The following MMP26 variants were observed in gnomAD, a reference collection of about 807,000 sequenced individuals.
MMP26 encodes matrix metallopeptidase 26.
In MMP26, 33 loss-of-function variants were observed where a neutral mutation model predicts 31.0. The ratio of observed to expected loss-of-function variants is 1.06; its 90% CI spans 0.81 to 1.42. The LOEUF is 1.42. Ranked by LOEUF, MMP26 falls within the 40% of genes most tolerant of loss-of-function variation. The pLI is 0.00. For missense variants in MMP26, 347 were observed against 316.1 expected (o/e 1.10, Z -0.74); for synonymous variants, 122 against 114.9 (o/e 1.06, Z -0.40).
rs939426808 is a variant in MMP26 at position 4,881,015 on chromosome 11, G to T, written c.-144-107053G>T. The stretch of plus-strand genomic sequence containing the variant: ...GTCTTCTGTATATGAATGGGCAGAT[G>T]CTACCTTCTTCCTGGCCAGTCAGAT... On this transcript the variant is annotated intron_variant, in intron 2 of 7. Transcript: ENST00000380390. Among the ~76,000 whole-genome samples, 6 of 152,100 alleles carry T rather than the reference G, an allele frequency of 3.9e-5. No individual in the cohort carries two copies. In the East Asian group the frequency reaches 1.2e-3, roughly 29 times the overall value.
At chr11:4,790,167 C>A (rs771156417) in intron 2 of MMP26, among the ~76,000 whole-genome samples, 2 of 151,954 alleles carry the variant, frequency 1.3e-5, no homozygotes, top group Non-Finnish European at 2.9e-5. Context: ...TAGTGAAACC[C>A]CGTCTCTACT....
At chr11:4,963,532 G>A (rs7107374) in intron 2 of MMP26, among the ~76,000 whole-genome samples, 72,800 of 151,944 alleles carry the variant, frequency 0.48, 18,601 homozygotes, top group South Asian at 0.64. Flanking sequence ...GTACCAAAAC[G>A]GATATATAGA....
At chr11:4,807,218 A>G (rs1393759440) in intron 2 of MMP26, among the ~76,000 whole-genome samples, 1 of 152,140 alleles carries the variant, frequency 6.6e-6, no homozygotes, top group Admixed American at 6.5e-5. Flanking sequence ...GTCAAATGGT[A>G]TTTCTAGTTC....
At chr11:4,919,124 A>G (rs575590133) in intron 2 of MMP26, 3 of 152,334 alleles carry the variant, frequency 2.0e-5, no homozygotes, top group South Asian at 2.1e-4. Context: ...AGCTGGTGCT[A>G]AGATCAGACC....
chr11:4,785,303 T>C (rs1305495693), intron 2 of MMP26, among the ~76,000 whole-genome samples: 1 of 152,248 alleles, frequency 6.6e-6, no homozygotes, highest in Non-Finnish European at 1.5e-5. Flanking sequence ...AAGTACTCCA[T>C]GTCTCATCTT....
chr11:4,837,320 A>G (rs1849732548), intron 2 of MMP26, among the ~76,000 whole-genome samples: 1 of 152,074 alleles, frequency 6.6e-6, no homozygotes, highest in Non-Finnish European at 1.5e-5. Flanking sequence ...TGAACCTCTC[A>G]CTTCAGAGTC....
intron 2 of MMP26, among the ~76,000 whole-genome samples, chr11:4,872,849 C>A (rs1850329508): frequency 6.6e-6 from 1 of 152,034 alleles, no homozygotes; most frequent in East Asian, 1.9e-4. Context: ...AGGGTCAACT[C>A]TTTCCATGGT....
At chr11:4,909,193 CACG>C (rs1292696722) in intron 2 of MMP26, 1 of 151,922 alleles carries the variant, frequency 6.6e-6, no homozygotes, top group Non-Finnish European at 1.5e-5. Flanking sequence ...TCCTGCAGGA[CACG>C]ACATTTGGTA....
chr11:4,708,479 T>G (rs1184393056), intron 1 of MMP26, among the ~76,000 whole-genome samples: 1 of 152,214 alleles, frequency 6.6e-6, no homozygotes, highest in Non-Finnish European at 1.5e-5. Context: ...TTTCTCAGGG[T>G]CAGACCTTCT....
At chr11:4,751,467 A>G (rs1160685166) in intron 1 of MMP26, among the ~76,000 whole-genome samples, 1 of 152,180 alleles carries the variant, frequency 6.6e-6, no homozygotes, top group Non-Finnish European at 1.5e-5. Context: ...CTTCACAGTG[A>G]AGTGGATGTT....
rs867221287 is a variant in MMP26, at chr11:4,724,131, G to A, written c.-217+19086G>A. ...GCTGCTGAAGTCCTGGGGGGCTAGA[G>A]GTGGACACCTCGTAGGACTTCTGGG... On this transcript the variant is annotated intron_variant, in intron 1 of 7. Transcript: ENST00000380390. 1.5e-5 allele frequency: 9 copies of A among 615,428 alleles called. No individual in the cohort carries two copies. In the Middle Eastern group the frequency reaches 2.9e-3, roughly 197 times the overall value. 38.1% of individuals were successfully genotyped at this position (615,428 alleles called of 1,614,324 possible).
intron 2 of MMP26, chr11:4,863,551 G>A (rs1410925373): frequency 6.6e-6 from 1 of 151,994 alleles, no homozygotes; most frequent in Non-Finnish European, 1.5e-5. Context: ...AATGCCCTAA[G>A]TTATCTTACA....
At chr11:4,815,579 AAAAG>A (rs1396281258) in intron 2 of MMP26, among the ~76,000 whole-genome samples, 2 of 152,308 alleles carry the variant, frequency 1.3e-5, no homozygotes, top group African/African-American at 2.4e-5. Context: ...AACAAAAAAA[AAAAG>A]AAAGAAATTT....
chr11:4,990,887 C>A (rs534385682), intron 5 of MMP26, 141 bp downstream of exon 5: 1 of 781,016 alleles, frequency 1.3e-6, no homozygotes, highest in Non-Finnish European at 2.0e-6. Flanking sequence ...CAAAGCAAAT[C>A]CTGTAATAGG....
intron 1 of MMP26, among the ~76,000 whole-genome samples, chr11:4,759,111 C>CAAAAA (rs989730402): frequency 8.4e-4 from 36 of 43,068 alleles, no homozygotes; most frequent in East Asian, 2.0e-3. Flanking sequence ...CATTCCATCT[C>CAAAAA]AAAAAAAAAA....
chr11:4,725,927 G>A (rs1208329224), intron 1 of MMP26, among the ~76,000 whole-genome samples: 2 of 152,218 alleles, frequency 1.3e-5, no homozygotes, highest in South Asian at 2.1e-4. Context: ...GAGAGAGCCA[G>A]TAAGAAGGTC....
chr11:4,956,900 T>G (rs1253614833), intron 2 of MMP26, among the ~76,000 whole-genome samples: 1 of 152,224 alleles, frequency 6.6e-6, no homozygotes, highest in African/African-American at 2.4e-5. Flanking sequence ...ATTAAATTGT[T>G]TTACTTACTG....
At chr11:4,830,025 A>C (rs556015758) in intron 2 of MMP26, 1 of 152,332 alleles carries the variant, frequency 6.6e-6, no homozygotes, top group Non-Finnish European at 1.5e-5. Context: ...GACATTGATG[A>C]GACAAATCAA....
At chr11:4,924,852 C>A (rs1851246513) in intron 2 of MMP26, among the ~76,000 whole-genome samples, 1 of 152,084 alleles carries the variant, frequency 6.6e-6, no homozygotes, top group African/African-American at 2.4e-5. Context: ...GTGAGTTTTG[C>A]CTGTGGGGCT....
Sources: allele counts gnomAD v4.1 joint callset (sites outside exome capture counted in the v4.1 genomes callset), GRCh38; gene constraint gnomAD v4.1.1; transcripts MANE v1.5; gene names NCBI Gene and HGNC (gene_info 2026-07-23, HGNC 2026-07-21).